ALK: variants seen among roughly 807,000 people sequenced by gnomAD.
The protein encoded by ALK is ALK receptor tyrosine kinase.
ALK carries 74 observed loss-of-function variants against 163.1 expected under a neutral mutation model. The ratio of observed to expected loss-of-function variants is 0.45; its 90% CI spans 0.38 to 0.55. The LOEUF is 0.55. Ranked by LOEUF, ALK falls within the 20% of genes least tolerant of loss-of-function variation. The pLI is 0.00. For missense variants in ALK, 2,063 were observed against 2,105.3 expected, an observed-to-expected ratio of 0.98 and a Z score of 0.39; for synonymous variants, 960 against 843.2, an observed-to-expected ratio of 1.14 and a Z score of -2.40.
intron 2 of ALK, among the ~76,000 whole-genome samples, chr2:29,710,852 C>G (rs1175922300): frequency 6.6e-6 from 1 of 152,148 alleles, no homozygotes; most frequent in Non-Finnish European, 1.5e-5. Flanking sequence ...ATCCACTTCT[C>G]TCCTCAAAGC....
chr2:29,311,267 C>T (rs1475642095), intron 8 of ALK, among the ~76,000 whole-genome samples: 1 of 152,136 alleles, frequency 6.6e-6, no homozygotes, highest in Non-Finnish European at 1.5e-5. Context: ...CATCTATGAG[C>T]CTAATTGTGA....
intron 9 of ALK, among the ~76,000 whole-genome samples, chr2:29,292,295 C>T (rs190402357): frequency 2.0e-4 from 31 of 152,226 alleles, no homozygotes; most frequent in East Asian, 5.8e-4. Context: ...CATCTCATAA[C>T]GAGTTGAACT....
chr2:29,769,577 G>A (rs928765557), intron 1 of ALK, among the ~76,000 whole-genome samples: 2 of 152,248 alleles, frequency 1.3e-5, no homozygotes, highest in Admixed American at 1.3e-4. Flanking sequence ...CAGACCTCAG[G>A]GTAGTCACAC....
chr2:29,496,858 C>CA (rs1488417286), intron 4 of ALK, among the ~76,000 whole-genome samples: 3 of 152,196 alleles, frequency 2.0e-5, no homozygotes, highest in Non-Finnish European at 4.4e-5. Context: ...GGCTGATATC[C>CA]ATTTGCTGTC....
In ALK at chr2:29,193,044, AC is replaced by A. The variant is rs202207712; in HGVS notation, c.*179del. 151 of 675,222 alleles carry A rather than the reference AC, an allele frequency of 2.2e-4. 1 individual carries two copies. The East Asian group carries it at 4.1e-3, about 18-fold the overall frequency. The allele number at this position is 675,222 out of a possible 1,614,324, so 41.8% of individuals were successfully genotyped here. A position where few individuals can be genotyped will look rare whatever the true frequency, so the allele number is the denominator to read the frequency against. On this transcript the variant is annotated 3_prime_UTR_variant, in exon 29 of 29. Transcript: ENST00000389048. ...TTCTTCTTTCGAAAGAATAGGATGA[AC>A]CCATGCTCAAAACCTTTCTAAAGCA...
At chr2:29,688,263 G>C (rs1012944577) in intron 3 of ALK, among the ~76,000 whole-genome samples, 13 of 152,194 alleles carry the variant, frequency 8.5e-5, no homozygotes, top group African/African-American at 3.1e-4. Flanking sequence ...CCCCAAAAAT[G>C]CTCCTTAAAG....
In ALK at chr2:29,509,539, G is replaced by C. The variant is rs751899656; in HGVS notation, c.1154+22376C>G. Among the ~76,000 whole-genome samples, 44 of 152,232 alleles carry C rather than the reference G, an allele frequency of 2.9e-4. 1 individual carries two copies. In the Middle Eastern group the frequency reaches 0.017, roughly 59 times the overall value. On this transcript the variant is annotated intron_variant, in intron 4 of 28. Coordinates refer to ENST00000389048, the MANE Select transcript of ALK (RefSeq NM_004304.5). ...ACCTTCCAGGCAACTATCTCTCTCT[G>C]AGTCCTCATGAATCCTAGGAACTTT... is the stretch of plus-strand genomic sequence containing the variant.
chr2:29,885,947 T>C (rs1666974684), intron 1 of ALK, among the ~76,000 whole-genome samples: 1 of 152,074 alleles, frequency 6.6e-6, no homozygotes, highest in Non-Finnish European at 1.5e-5. Context: ...AGTTACACCA[T>C]ATATGCCTGC....
At chr2:29,517,865 A>G (rs1478482062) in intron 4 of ALK, among the ~76,000 whole-genome samples, 1 of 152,196 alleles carries the variant, frequency 6.6e-6, no homozygotes, top group Admixed American at 6.5e-5. Flanking sequence ...AAGTGTGTGC[A>G]TGGTGTGTGA....
rs148526435 is a variant in ALK, at chr2:29,667,223, G to C, written c.952+27627C>G. On this transcript the variant is annotated intron_variant, in intron 3 of 28. Coordinates refer to ENST00000389048, the MANE Select transcript of ALK (RefSeq NM_004304.5). ...AGTAGTTGAATTGCTGGAACATATA[G>C]TAGTTTTATTTTCAGTTTTTTGAGG... is the stretch of plus-strand genomic sequence containing the variant. 4.5e-4 allele frequency among the ~76,000 whole-genome samples: 68 copies of C among 152,112 alleles called. No homozygotes were observed. In the South Asian group the frequency reaches 7.5e-3, roughly 17 times the overall value.
rs115325754 is a variant in ALK at position 29,799,095 on chromosome 2, T to C, written c.668-81398A>G. Among the ~76,000 whole-genome samples, 1,269 of 152,352 alleles carry C rather than the reference T, an allele frequency of 8.3e-3. 21 individuals are homozygous for C. Among genetic ancestry groups the C allele is most frequent in the African/African-American group, 0.028 (1,177 of 41,578 alleles). On this transcript the variant is annotated intron_variant, in intron 1 of 28. Coordinates refer to ENST00000389048, the MANE Select transcript of ALK (RefSeq NM_004304.5). ...GAGGGGATTTGAAATTGTCTGAAAT[T>C]GGAAGCCACAGCTGCACCAGCTAGA...
chr2:29,201,399 C>G lies in ALK; in HGVS notation c.3939-3723G>C, dbSNP rs1669175289. 2.0e-5 allele frequency among the ~76,000 whole-genome samples: 3 copies of G among 152,158 alleles called. No individual in the cohort carries two copies. The South Asian group carries it at 6.2e-4, about 32-fold the overall frequency. On this transcript the variant is annotated intron_variant, in intron 26 of 28. Coordinates refer to ENST00000389048, the MANE Select transcript of ALK (RefSeq NM_004304.5). ...CAGCACCTCTGGTTATGCATTTGTTCAAGCCCAAAACCCAGGAGTCATCCT... is the reference window on the plus strand; with the variant it reads ...CAGCACCTCTGGTTATGCATTTGTTGAAGCCCAAAACCCAGGAGTCATCCT...
chr2:29,693,318 C>A (rs1678455853), intron 3 of ALK, among the ~76,000 whole-genome samples: 1 of 151,880 alleles, frequency 6.6e-6, no homozygotes, highest in African/African-American at 2.4e-5. Context: ...TCTATTGAAT[C>A]AGAATCTCAG....
chr2:29,221,544 C>T (rs1232092354), intron 22 of ALK, among the ~76,000 whole-genome samples: 2 of 152,156 alleles, frequency 1.3e-5, no homozygotes, highest in African/African-American at 4.8e-5. Context: ...TATGGGTCTT[C>T]TTCAATATAA....
At chr2:29,723,068 A>C (rs368989723) in intron 1 of ALK, among the ~76,000 whole-genome samples, 1 of 152,034 alleles carries the variant, frequency 6.6e-6, no homozygotes, top group East Asian at 1.9e-4. Flanking sequence ...TCTGTTCTCT[A>C]TGTGGCAGTT....
intron 1 of ALK, among the ~76,000 whole-genome samples, chr2:29,753,798 T>G (rs1680440732): frequency 2.6e-5 from 4 of 152,170 alleles, no homozygotes; most frequent in Admixed American, 1.3e-4. Flanking sequence ...CTTTTTCTGG[T>G]CAGTTTTTGA....
intron 3 of ALK, among the ~76,000 whole-genome samples, chr2:29,611,910 C>G (rs1355784646): frequency 6.6e-6 from 1 of 152,176 alleles, no homozygotes; most frequent in Non-Finnish European, 1.5e-5. Context: ...CGTAAATTAC[C>G]AGTCTCGGGT....
chr2:29,238,767 C>A (rs1163646205), intron 13 of ALK, among the ~76,000 whole-genome samples: 1 of 152,190 alleles, frequency 6.6e-6, no homozygotes, highest in East Asian at 1.9e-4. Context: ...TGCTTGGGAA[C>A]TTCCTGTGCA....
chr2:29,226,863 G>A (rs1664011221), intron 18 of ALK, 59 bp downstream of exon 18: 5 of 1,604,822 alleles, frequency 3.1e-6, no homozygotes, highest in Non-Finnish European at 3.4e-6. Flanking sequence ...ACCATTTGTG[G>A]TCATGGGCCA....
Sources: allele counts gnomAD v4.1 joint callset (sites outside exome capture counted in the v4.1 genomes callset), GRCh38; gene constraint gnomAD v4.1.1; transcripts MANE v1.5; gene names NCBI Gene and HGNC (gene_info 2026-07-23, HGNC 2026-07-21).